The following RAB3C variants were observed in gnomAD, a reference collection of about 807,000 sequenced individuals.
RAB3C encodes RAB3C, member RAS oncogene family.
Under a neutral mutation model 26.4 loss-of-function variants are expected in RAB3C, and 17 were observed. The ratio of observed to expected loss-of-function variants is 0.64; its 90% CI spans 0.44 to 0.97. The LOEUF is 0.97. RAB3C is among the 50% of genes least tolerant of loss of function. The pLI, the probability that RAB3C is intolerant of heterozygous loss-of-function variation, is 0.00. For synonymous variants in RAB3C, 91 were observed against 95.9 expected, an observed-to-expected ratio of 0.95 and a Z score of 0.30; for missense variants, 242 against 281.9, an observed-to-expected ratio of 0.86 and a Z score of 1.01.
At chr5:58,741,686 AC>A (rs1262748893) in intron 3 of RAB3C, 1 of 152,048 alleles carries the variant, frequency 6.6e-6, no homozygotes, top group African/African-American at 2.4e-5. Flanking sequence ...ATTAGAAAAC[AC>A]TCACAGAAAA....
chr5:58,727,435 T>A (rs912893106), intron 3 of RAB3C, among the ~76,000 whole-genome samples: 1 of 152,038 alleles, frequency 6.6e-6, no homozygotes, highest in Non-Finnish European at 1.5e-5. Flanking sequence ...CTTAAGTAAC[T>A]ATTCTTTTTA....
chr5:58,733,605 C>T (rs1347283618), intron 3 of RAB3C, among the ~76,000 whole-genome samples: 1 of 152,054 alleles, frequency 6.6e-6, no homozygotes, highest in Non-Finnish European at 1.5e-5. Flanking sequence ...TGTCTGGATC[C>T]CCCAGCAGGG....
intron 2 of RAB3C, among the ~76,000 whole-genome samples, chr5:58,636,011 C>T (rs989576564): frequency 1.3e-5 from 2 of 152,146 alleles, no homozygotes; most frequent in Admixed American, 6.5e-5. Flanking sequence ...AGTTAAAGAA[C>T]GGGCCAAAGA....
intron 2 of RAB3C, among the ~76,000 whole-genome samples, chr5:58,710,605 A>T (rs643689): frequency 0.3 from 19,773 of 65,476 alleles, 1,468 homozygotes; most frequent in Non-Finnish European, 0.34. Flanking sequence ...TCTCAAAATA[A>T]ATAAATAAAT....
At chr5:58,712,137 T>C (rs1305557008) in intron 2 of RAB3C, among the ~76,000 whole-genome samples, 2 of 152,126 alleles carry the variant, frequency 1.3e-5, no homozygotes, top group Non-Finnish European at 2.9e-5. Context: ...TCAGCTTACA[T>C]TGATTTGTTT....
chr5:58,820,541 C>T (rs1385274823), intron 3 of RAB3C, among the ~76,000 whole-genome samples: 1 of 152,180 alleles, frequency 6.6e-6, no homozygotes, highest in Non-Finnish European at 1.5e-5. Flanking sequence ...TTAACCAACT[C>T]TAATGGCAAA....
At chr5:58,698,244 A>C (rs1286608586) in intron 2 of RAB3C, among the ~76,000 whole-genome samples, 1 of 152,198 alleles carries the variant, frequency 6.6e-6, no homozygotes, top group East Asian at 1.9e-4. Flanking sequence ...AGAATGTTGA[A>C]TATCGGCCCC....
chr5:58,591,489 C>T (rs1445734203), intron 1 of RAB3C, among the ~76,000 whole-genome samples: 2 of 151,484 alleles, frequency 1.3e-5, no homozygotes, highest in Non-Finnish European at 2.9e-5. Context: ...TGAAATGTCC[C>T]ACTTTATCTC....
chr5:58,844,633 C>A (rs1339714575), intron 4 of RAB3C, among the ~76,000 whole-genome samples: 1 of 152,098 alleles, frequency 6.6e-6, no homozygotes, highest in Non-Finnish European at 1.5e-5. Flanking sequence ...CCATCCAGTT[C>A]CACAGGAAAG....
chr5:58,748,253 A>G (rs1161532903), intron 3 of RAB3C, among the ~76,000 whole-genome samples: 1 of 152,126 alleles, frequency 6.6e-6, no homozygotes, highest in African/African-American at 2.4e-5. Context: ...GAGATAACTT[A>G]CCCTTTAAAG....
chr5:58,749,843 C>A (rs1257382271), intron 3 of RAB3C, among the ~76,000 whole-genome samples: 1 of 152,064 alleles, frequency 6.6e-6, no homozygotes, highest in African/African-American at 2.4e-5. Context: ...ACAACAACAA[C>A]AAAACATGAT....
chr5:58,672,719 C>T (rs1486543920), intron 2 of RAB3C, among the ~76,000 whole-genome samples: 3 of 152,062 alleles, frequency 2.0e-5, no homozygotes, highest in Admixed American at 2.0e-4. Flanking sequence ...AATGATTATT[C>T]AGCAATAAAA....
chr5:58,603,048 A>ACT (rs1272713194), intron 1 of RAB3C, among the ~76,000 whole-genome samples: 1 of 152,106 alleles, frequency 6.6e-6, no homozygotes, highest in African/African-American at 2.4e-5. Flanking sequence ...TCTGAATATG[A>ACT]CTGTATCTTT....
At chr5:58,711,622 T>C (rs1161159742) in intron 2 of RAB3C, among the ~76,000 whole-genome samples, 1 of 152,160 alleles carries the variant, frequency 6.6e-6, no homozygotes, top group Non-Finnish European at 1.5e-5. Flanking sequence ...ACAAGAAGCA[T>C]TACATACGTT....
At chr5:58,625,593 T>C (rs998989565) in intron 2 of RAB3C, among the ~76,000 whole-genome samples, 2 of 152,152 alleles carry the variant, frequency 1.3e-5, no homozygotes, top group African/African-American at 4.8e-5. Flanking sequence ...GCACTGTGGC[T>C]TATGCCTGTA....
chr5:58,784,563 C>T (rs904696760), intron 3 of RAB3C, among the ~76,000 whole-genome samples: 20 of 151,862 alleles, frequency 1.3e-4, no homozygotes, highest in African/African-American at 4.6e-4. Context: ...ACATGTATTG[C>T]TGCTTTTTCA....
Position 58,809,203 on chromosome 5 carries a change from GA to G in RAB3C, c.372-15834del, listed in dbSNP as rs574165035. ...TTTTGAGTTTGAAATACTTAATTGT[GA>G]CCAAAAAATTGTTTCTTTTCATATA... On this transcript the variant is annotated intron_variant, in intron 3 of 4. Transcript: ENST00000282878. Among the ~76,000 whole-genome samples the G allele has an allele frequency of 3.2e-3, 484 of 152,144 alleles. 9 individuals carry two copies. The highest frequency in any genetic ancestry group is 0.03 in the Admixed American group (459 of 15,292).
chr5:58,657,214 T>C (rs1037771132), intron 2 of RAB3C, among the ~76,000 whole-genome samples: 7 of 151,684 alleles, frequency 4.6e-5, no homozygotes, highest in Non-Finnish European at 7.4e-5. Flanking sequence ...ACTGATACAA[T>C]GGACTTTGAG....
At chr5:58,712,577 T>C (rs1419860356) in intron 2 of RAB3C, among the ~76,000 whole-genome samples, 1 of 151,916 alleles carries the variant, frequency 6.6e-6, no homozygotes, top group Non-Finnish European at 1.5e-5. Flanking sequence ...CAGGCTGGAG[T>C]TCAGTGGAGC....
Sources: gnomAD v4.1 joint callset for allele counts (sites outside exome capture counted in the v4.1 genomes callset) on GRCh38, gnomAD v4.1.1 for gene constraint, MANE v1.5 for transcripts, NCBI Gene and HGNC (gene_info 2026-07-23, HGNC 2026-07-21) for gene names.